Variants in KLRG1 observed in about 807,000 individuals in gnomAD.
KLRG1 encodes the protein killer cell lectin like receptor G1.
KLRG1 carries 16 observed loss-of-function variants against 21.8 expected under a neutral mutation model. That is an observed-to-expected ratio of 0.73 (90% CI 0.50 to 1.11). The LOEUF (loss-of-function observed/expected upper bound fraction) is 1.11, where lower values mean the gene tolerates loss of function less well. KLRG1 is among the 50% of genes most tolerant of loss of function. KLRG1 has a pLI of 0.00. For missense variants in KLRG1, 173 were observed against 218.3 expected (o/e 0.79, Z 1.31); for synonymous variants, 69 against 75.9 (o/e 0.91, Z 0.47).
the KLRG1 span, among the ~76,000 whole-genome samples, chr12:9,096,951 T>C: frequency 2.0e-5 from 3 of 152,144 alleles, no homozygotes; most frequent in Non-Finnish European, 4.4e-5. Context: ...TGACCTACAC[T>C]AGTAGCAGCA....
At chr12:9,200,704 G>A in the KLRG1 span, among the ~76,000 whole-genome samples, 16 of 152,288 alleles carry the variant, frequency 1.1e-4, no homozygotes, top group South Asian at 6.2e-4. Flanking sequence ...TTGGCAAAGC[G>A]TAATTTGCTA....
chr12:9,045,795 G>A, the KLRG1 span, among the ~76,000 whole-genome samples: 1 of 152,240 alleles, frequency 6.6e-6, no homozygotes, highest in Non-Finnish European at 1.5e-5. Context: ...CAACCCAAAT[G>A]TCCATCAGTG....
At chr12:9,077,901 G>A in the KLRG1 span, 1 of 1,613,012 alleles carries the variant, frequency 6.2e-7, no homozygotes, top group Non-Finnish European at 8.5e-7. Flanking sequence ...TTGTCAAAAT[G>A]GTTTTATAAC....
the KLRG1 span, among the ~76,000 whole-genome samples, chr12:9,190,254 C>T: frequency 4.9e-4 from 75 of 152,146 alleles, no homozygotes; most frequent in East Asian, 0.013. Context: ...AACCTAAATG[C>T]CCATCAGTGG....
chr12:9,061,758 G>A, the KLRG1 span, among the ~76,000 whole-genome samples: 1 of 152,042 alleles, frequency 6.6e-6, no homozygotes, highest in South Asian at 2.1e-4. Flanking sequence ...AACCCCACAG[G>A]TCTTCATTGT....
chr12:8,967,968 A>G (rs1174921583), intron 1 of KLRG1, among the ~76,000 whole-genome samples: 1 of 151,980 alleles, frequency 6.6e-6, no homozygotes, highest in African/African-American at 2.4e-5. Flanking sequence ...AGAAAGAAAA[A>G]TTAAGGAAAG....
the KLRG1 span, among the ~76,000 whole-genome samples, chr12:9,051,530 C>T: frequency 2.6e-5 from 4 of 152,296 alleles, no homozygotes; most frequent in Admixed American, 2.6e-4. Context: ...TGATGGCAGA[C>T]GTCAGGACAA....
chr12:9,196,267 T>C, the KLRG1 span: 17 of 1,141,018 alleles, frequency 1.5e-5, no homozygotes, highest in Admixed American at 7.2e-5. Context: ...GGCTGCATCA[T>C]TGTGTCCTGT....
At chr12:9,048,258 C>G in the KLRG1 span, among the ~76,000 whole-genome samples, 4 of 152,104 alleles carry the variant, frequency 2.6e-5, no homozygotes, top group Non-Finnish European at 4.4e-5. Context: ...AAATAACATA[C>G]TTCTAAATGA....
rs758807869 is a variant in KLRG1 at position 8,975,951 on chromosome 12, C to T, written c.-155-16255C>T. Among the ~76,000 whole-genome samples, 5 of 151,738 alleles carry T rather than the reference C, an allele frequency of 3.3e-5. No homozygotes were observed. In the South Asian group the frequency reaches 6.6e-4, roughly 20 times the overall value. On this transcript the variant is annotated intron_variant, in intron 1 of 4. Coordinates refer to the KLRG1 transcript ENST00000539240. ...TTTGTCAATTTTCTTCTATTGTTTT[C>T]TTTTCTTTATTTGATTTATTTTTGC...
At chr12:9,120,370 AAGAT>A in the KLRG1 span, among the ~76,000 whole-genome samples, 3 of 152,198 alleles carry the variant, frequency 2.0e-5, no homozygotes, top group Admixed American at 6.5e-5. Context: ...GGAAGGGAAA[AAGAT>A]AGTCCATGGA....
intron 2 of KLRG1, 94 bp from the exon 3 acceptor site, chr12:8,995,025 A>G: frequency 1.8e-6 from 2 of 1,134,850 alleles, no homozygotes; most frequent in Non-Finnish European, 1.2e-6. Context: ...GGAGCAGGGA[A>G]GACCCAGGGC....
At chr12:9,135,215 A>G in the KLRG1 span, 1 of 244,472 alleles carries the variant, frequency 4.1e-6, no homozygotes. Context: ...TGCTGACAGA[A>G]CATTATAAAC....
At chr12:9,202,431 A>G in the KLRG1 span, 1 of 1,613,236 alleles carries the variant, frequency 6.2e-7, no homozygotes, top group South Asian at 1.1e-5. Context: ...TTGGGTAATA[A>G]GACAGGAGGC....
At chr12:9,106,232 C>G in the KLRG1 span, 6 of 1,582,322 alleles carry the variant, frequency 3.8e-6, no homozygotes, top group East Asian at 8.9e-5. Context: ...GGAAAATACT[C>G]CACCTGCCCA....
At chr12:9,169,369 G>T in the KLRG1 span, 1 of 1,408,248 alleles carries the variant, frequency 7.1e-7, no homozygotes. Context: ...AATAGATACA[G>T]AGTTTTATTA....
At chr12:9,112,605 A>G in the KLRG1 span, 1 of 1,559,716 alleles carries the variant, frequency 6.4e-7, no homozygotes, top group Non-Finnish European at 8.8e-7. Flanking sequence ...TTGCTGTTGC[A>G]CTCTTCCCTG....
At chr12:9,086,339 G>A in the KLRG1 span, among the ~76,000 whole-genome samples, 1 of 152,054 alleles carries the variant, frequency 6.6e-6, no homozygotes, top group Non-Finnish European at 1.5e-5. Flanking sequence ...TCCAGCCTGG[G>A]GAACACAGCA....
the KLRG1 span, chr12:9,115,987 G>C: frequency 1.4e-6 from 1 of 738,104 alleles, no homozygotes; most frequent in Non-Finnish European, 2.5e-6. Context: ...ACCCACACAA[G>C]ATCTCTAAAC....
Sources: allele counts gnomAD v4.1 joint callset (sites outside exome capture counted in the v4.1 genomes callset), GRCh38; gene constraint gnomAD v4.1.1; transcripts MANE v1.5; gene names NCBI Gene and HGNC (gene_info 2026-07-23, HGNC 2026-07-21).